The following QKI variants were observed in gnomAD, a reference collection of about 807,000 sequenced individuals.
QKI encodes the protein QKI, KH domain containing RNA binding, also known as KH domain-containing RNA-binding protein QKI.
A neutral mutation model predicts 39.0 loss-of-function variants in QKI; 10 were observed. The ratio of observed to expected loss-of-function variants is 0.26; its 90% CI spans 0.16 to 0.43. QKI has a LOEUF of 0.43. Among genes scored for constraint, QKI ranks in the 20% least tolerant of loss-of-function variants. The pLI, the probability that QKI is intolerant of heterozygous loss-of-function variation, is 1.00. For synonymous variants in QKI, 204 were observed against 155.4 expected (o/e 1.31, Z -2.33); for missense variants, 218 against 428.0 (o/e 0.51, Z 4.33).
At chr6:163,483,558 T>C (rs1316555767) in intron 3 of QKI, among the ~76,000 whole-genome samples, 1 of 152,210 alleles carries the variant, frequency 6.6e-6, no homozygotes, top group Non-Finnish European at 1.5e-5. Context: ...TCTCAAGAAA[T>C]CACTTTCTCT....
At chr6:163,430,666 C>T (rs1251438806) in intron 1 of QKI, among the ~76,000 whole-genome samples, 1 of 152,112 alleles carries the variant, frequency 6.6e-6, no homozygotes. Flanking sequence ...GATAGTATGG[C>T]ATAGTTTTTA....
At chr6:163,518,791 ACTC>A (rs1478825021) in intron 3 of QKI, among the ~76,000 whole-genome samples, 2 of 151,982 alleles carry the variant, frequency 1.3e-5, no homozygotes, top group Admixed American at 6.6e-5. Flanking sequence ...TGTAGTAACT[ACTC>A]TTTCAGCATG....
chr6:163,542,970 T>TACAA (rs145414506), intron 4 of QKI, among the ~76,000 whole-genome samples: 4 of 151,422 alleles, frequency 2.6e-5, no homozygotes, highest in African/African-American at 9.7e-5. Flanking sequence ...TTTAGGATAA[T>TACAA]AGGCATCTGT....
chr6:163,480,419 TA>T lies in QKI; in HGVS notation c.402+1526del, dbSNP rs1379155583. On this transcript the variant is annotated intron_variant, in intron 3 of 7. Coordinates refer to ENST00000361752, the MANE Select transcript of QKI (RefSeq NM_006775.3). ...AATACCAAACCCACAGGGTATCTGA[TA>T]AACTTGTTTTCTGAGCCCTCCGCCT... is the stretch of plus-strand genomic sequence containing the variant. Among the ~76,000 whole-genome samples the T allele has an allele frequency of 2.0e-5, 3 of 152,322 alleles. No homozygotes were observed. The East Asian group carries it at 5.8e-4, about 29-fold the overall frequency.
At chr6:163,569,174 A>C in intron 7 of QKI, 1 of 955,878 alleles carries the variant, frequency 1.0e-6, no homozygotes, top group Non-Finnish European at 1.2e-6. Flanking sequence ...ATTTTGGAGC[A>C]GCAATTTTTA....
chr6:163,566,964 T>C, intron 7 of QKI, 169 bp downstream of exon 7: 1 of 1,385,232 alleles, frequency 7.2e-7, no homozygotes, highest in Middle Eastern at 2.5e-4. Flanking sequence ...GTTTTTTGTT[T>C]TGGTTTGGTT....
chr6:163,457,415 G>C, intron 2 of QKI: 1 of 455,892 alleles, frequency 2.2e-6, no homozygotes, highest in Non-Finnish European at 4.4e-6. Context: ...TACTATTACC[G>C]ACTGGTGTGT....
At chr6:163,561,869 A>G in intron 4 of QKI, 113 bp from the exon 5 acceptor site, 1 of 703,202 alleles carries the variant, frequency 1.4e-6, no homozygotes, top group Non-Finnish European at 2.2e-6. Context: ...TCCCCTTATT[A>G]AAACAGGTGA....
At chr6:163,507,294 T>G (rs961761676) in intron 3 of QKI, among the ~76,000 whole-genome samples, 3 of 152,150 alleles carry the variant, frequency 2.0e-5, no homozygotes, top group Non-Finnish European at 2.9e-5. Context: ...ACTTGAGGGT[T>G]TCTGTTTCCG....
intron 3 of QKI, among the ~76,000 whole-genome samples, chr6:163,523,065 G>C (rs1449764664): frequency 6.6e-6 from 1 of 152,168 alleles, no homozygotes; most frequent in Non-Finnish European, 1.5e-5. Context: ...ACATTAGGCT[G>C]TGATCTTTTG....
intron 1 of QKI, among the ~76,000 whole-genome samples, chr6:163,441,647 A>C (rs966181387): frequency 6.6e-6 from 1 of 152,206 alleles, no homozygotes; most frequent in African/African-American, 2.4e-5. Flanking sequence ...GGATTGAGGC[A>C]AGTTGCTGTT....
intron 1 of QKI, among the ~76,000 whole-genome samples, chr6:163,417,919 T>C (rs565197123): frequency 1.8e-4 from 28 of 152,318 alleles, no homozygotes; most frequent in African/African-American, 6.5e-4. Flanking sequence ...CCTGTAATTG[T>C]TAGCCTTGTT....
At chr6:163,458,706 C>T (rs987674768) in intron 2 of QKI, among the ~76,000 whole-genome samples, 29 of 151,970 alleles carry the variant, frequency 1.9e-4, no homozygotes, top group Non-Finnish European at 1.0e-4. Flanking sequence ...CCCTTTGCAA[C>T]GTTTTTGAAG....
At chr6:163,509,608 G>C (rs1471041994) in intron 3 of QKI, among the ~76,000 whole-genome samples, 1 of 152,030 alleles carries the variant, frequency 6.6e-6, no homozygotes, top group Non-Finnish European at 1.5e-5. Context: ...GCCTTGAAAA[G>C]TTAAAGATTT....
At chr6:163,564,162 ATAT>A (rs1311564995) in intron 6 of QKI, 37 of 1,023,070 alleles carry the variant, frequency 3.6e-5, no homozygotes, top group Admixed American at 5.0e-5. Context: ...TATAAAATTC[ATAT>A]TATTGTGTGT....
Position 163,574,463 on chromosome 6 carries a change from G to A in QKI, c.*3753G>A, listed in dbSNP as rs1783869008. ...TGAAGCCCCGCTGCTTTCCAGTGAG[G>A]AAAAGAACCCTCAGCACGTTACTGA... On this transcript the variant is annotated 3_prime_UTR_variant, in exon 8 of 8. Transcript: ENST00000361752. 6.6e-6 allele frequency: 1 copy of A among 152,148 alleles called. No homozygotes were observed. Among genetic ancestry groups the A allele is most frequent in the Non-Finnish European group, 1.5e-5 (1 of 68,026 alleles). The allele number at this position is 152,148 out of a possible 1,614,324, so 9.4% of individuals were successfully genotyped here.
intron 4 of QKI, among the ~76,000 whole-genome samples, chr6:163,548,455 A>G (rs1347227191): frequency 6.6e-6 from 1 of 152,232 alleles, no homozygotes; most frequent in African/African-American, 2.4e-5. Flanking sequence ...GCTCTGTTCT[A>G]AATCAATTAA....
At chr6:163,452,789 A>C (rs1790667591) in intron 1 of QKI, among the ~76,000 whole-genome samples, 1 of 152,126 alleles carries the variant, frequency 6.6e-6, no homozygotes, top group African/African-American at 2.4e-5. Flanking sequence ...GTGCAATGGC[A>C]CCATCTCGGC....
At chr6:163,557,652 G>T (rs145701193) in intron 4 of QKI, among the ~76,000 whole-genome samples, 2 of 152,070 alleles carry the variant, frequency 1.3e-5, no homozygotes, top group African/African-American at 4.8e-5. Flanking sequence ...ATAATTTATC[G>T]TACATTTAAG....
Sources: gnomAD v4.1 joint callset for allele counts (sites outside exome capture counted in the v4.1 genomes callset) on GRCh38, gnomAD v4.1.1 for gene constraint, MANE v1.5 for transcripts, NCBI Gene and HGNC (gene_info 2026-07-23, HGNC 2026-07-21) for gene names.